The following PCDHA3 variants were observed in gnomAD, a reference collection of about 807,000 sequenced individuals.
PCDHA3 encodes protocadherin alpha-3.
PCDHA3 carries 41 observed loss-of-function variants against 62.2 expected under a neutral mutation model. The observed-to-expected ratio is 0.66, with a 90% CI of 0.51 to 0.86. PCDHA3 has a LOEUF of 0.86. PCDHA3 is among the 40% of genes least tolerant of loss of function. The probability of loss-of-function intolerance (pLI) is 0.00; values close to 1 mark genes in which losing one functional copy is unlikely to be tolerated. For missense variants in PCDHA3, 1,304 were observed against 1,241.2 expected, an observed-to-expected ratio of 1.05 and a Z score of -0.76; for synonymous variants, 640 against 555.4, an observed-to-expected ratio of 1.15 and a Z score of -2.14.
intron 3 of PCDHA3, among the ~76,000 whole-genome samples, chr5:140,999,166 A>G (rs2097849848): frequency 6.6e-6 from 1 of 152,190 alleles, no homozygotes; most frequent in South Asian, 2.1e-4. Context: ...CTAGAAGGAA[A>G]AGAGCCTGAT....
chr5:140,863,068 C>A, intron 1 of PCDHA3: 1 of 567,906 alleles, frequency 1.8e-6, no homozygotes. Context: ...CCACGTGGGG[C>A]TCTGCACGGG....
At chr5:140,850,256 C>T (rs2150475976) in intron 1 of PCDHA3, 11 of 1,594,032 alleles carry the variant, frequency 6.9e-6, no homozygotes, top group Admixed American at 6.8e-5. Context: ...CGGTGGGCGC[C>T]GGCGTAGTGG....
At chr5:140,856,401 T>C (rs782164641) in intron 1 of PCDHA3, 20 of 1,598,386 alleles carry the variant, frequency 1.3e-5, no homozygotes, top group Non-Finnish European at 4.3e-6. Context: ...GTTTTCCATG[T>C]GGACGTGGAA....
At chr5:140,999,877 G>C (rs1194481133) in intron 3 of PCDHA3, among the ~76,000 whole-genome samples, 1 of 152,152 alleles carries the variant, frequency 6.6e-6, no homozygotes, top group Non-Finnish European at 1.5e-5. Flanking sequence ...CTGAAAATTA[G>C]CCCAGCTGTA....
intron 1 of PCDHA3, chr5:140,862,748 C>A: frequency 3.5e-6 from 2 of 577,558 alleles, no homozygotes; most frequent in East Asian, 9.5e-5. Context: ...TGGGTGCACG[C>A]GGAGAGCGGC....
At chr5:140,870,590 G>C in intron 1 of PCDHA3, 1 of 1,613,564 alleles carries the variant, frequency 6.2e-7, no homozygotes, top group Non-Finnish European at 8.5e-7. Context: ...CTGGTGGAGC[G>C]GCGGTTGGGC....
intron 1 of PCDHA3, chr5:140,843,223 T>G (rs1296347203): frequency 6.3e-7 from 1 of 1,595,904 alleles, no homozygotes; most frequent in Non-Finnish European, 8.6e-7. Flanking sequence ...TCAGCACCAC[T>G]CGTGTCCTGG....
intron 1 of PCDHA3, chr5:140,850,066 A>G (rs1554143711): frequency 6.3e-7 from 1 of 1,596,292 alleles, no homozygotes; most frequent in African/African-American, 1.3e-5. Flanking sequence ...CAGCCGTTGG[A>G]CCACGAGGAG....
chr5:140,886,927 G>T (rs1191029252), intron 1 of PCDHA3, among the ~76,000 whole-genome samples: 1 of 151,236 alleles, frequency 6.6e-6, no homozygotes, highest in Non-Finnish European at 1.5e-5. Flanking sequence ...TTCTCTATGT[G>T]CCAGGCATGT....
intron 1 of PCDHA3, chr5:140,822,002 T>A (rs2150112881): frequency 6.2e-7 from 1 of 1,614,048 alleles, no homozygotes; most frequent in Non-Finnish European, 8.5e-7. Context: ...CTTCTGGAGG[T>A]AAATCTGCAG....
intron 1 of PCDHA3, chr5:140,808,450 T>C: frequency 6.2e-7 from 1 of 1,614,074 alleles, no homozygotes; most frequent in East Asian, 2.2e-5. Flanking sequence ...TGTCAGCCTA[T>C]GAGCTGGTGG....
intron 1 of PCDHA3, chr5:140,812,147 T>TTGTTGTTGTTGTTG (rs1765043043): frequency 6.6e-6 from 1 of 150,790 alleles, no homozygotes; most frequent in African/African-American, 2.4e-5. Context: ...GTTTTGGGCT[T>TTGTTGTTGTTGTTG]TTGTTGTTGT....
At chr5:140,977,936 A>G (rs1444613652) in intron 1 of PCDHA3, among the ~76,000 whole-genome samples, 2 of 152,202 alleles carry the variant, frequency 1.3e-5, no homozygotes, top group African/African-American at 4.8e-5. Context: ...CTATACCTCA[A>G]TATTCAGTGA....
chr5:140,978,196 T>C (rs1043778941), intron 1 of PCDHA3, among the ~76,000 whole-genome samples: 1 of 152,190 alleles, frequency 6.6e-6, no homozygotes. Flanking sequence ...ATCTTTTCAA[T>C]ACACAACTAA....
In PCDHA3 at chr5:140,982,645, G is replaced by A. The variant is rs2096993238; in HGVS notation, c.2542+82G>A. 3.3e-6 allele frequency: 5 copies of A among 1,522,444 alleles called. No homozygotes were observed. In the East Asian group the frequency reaches 1.2e-4, roughly 36 times the overall value. 94.3% of individuals were successfully genotyped at this position (1,522,444 alleles called of 1,614,324 possible). A position where few individuals can be genotyped will look rare whatever the true frequency, so the allele number is the denominator to read the frequency against. On this transcript the variant is annotated intron_variant, in intron 3 of 3. Transcript: ENST00000522353. ...CTACTTTTGTAAGATCAGGAATGTT[G>A]ATGGCTCTTTTTCTTTTATATTTTT...
At chr5:140,911,614 G>C (rs1298073663) in intron 1 of PCDHA3, among the ~76,000 whole-genome samples, 1 of 152,152 alleles carries the variant, frequency 6.6e-6, no homozygotes, top group Non-Finnish European at 1.5e-5. Flanking sequence ...ATGTTCCTTA[G>C]TTCCCCACAT....
chr5:140,911,343 C>G (rs1223805451), intron 1 of PCDHA3, among the ~76,000 whole-genome samples: 1 of 152,136 alleles, frequency 6.6e-6, no homozygotes, highest in African/African-American at 2.4e-5. Flanking sequence ...CAATCAATGC[C>G]CTCATTTCAA....
chr5:140,829,991 A>G, intron 1 of PCDHA3: 2 of 1,613,756 alleles, frequency 1.2e-6, no homozygotes, highest in Non-Finnish European at 1.7e-6. Context: ...GATCAGCACC[A>G]CTCGTGTCCT....
chr5:140,829,373 C>T (rs1202815393), intron 1 of PCDHA3: 3 of 1,614,082 alleles, frequency 1.9e-6, no homozygotes, highest in South Asian at 1.1e-5. Context: ...GGTAACCGCG[C>T]GGGACGGGGG....
Sources: gnomAD v4.1 joint callset for allele counts (sites outside exome capture counted in the v4.1 genomes callset) on GRCh38, gnomAD v4.1.1 for gene constraint, MANE v1.5 for transcripts, NCBI Gene and HGNC (gene_info 2026-07-23, HGNC 2026-07-21) for gene names.